FRMD4B: variants seen among roughly 807,000 people sequenced by gnomAD.
FRMD4B encodes FERM domain containing 4B.
In FRMD4B, 74 loss-of-function variants were observed where a neutral mutation model predicts 141.5. That is an observed-to-expected ratio of 0.52 (90% CI 0.43 to 0.63). The LOEUF (loss-of-function observed/expected upper bound fraction) is 0.63. Among genes scored for constraint, FRMD4B ranks in the 30% least tolerant of loss-of-function variants. The pLI is 0.00. For missense variants in FRMD4B, 1,366 were observed against 1,253.4 expected, an observed-to-expected ratio of 1.09 and a Z score of -1.36; for synonymous variants, 506 against 467.9, an observed-to-expected ratio of 1.08 and a Z score of -1.05.
chr3:69,324,293 T>C (rs1702109934), intron 1 of FRMD4B, among the ~76,000 whole-genome samples: 2 of 152,208 alleles, frequency 1.3e-5, no homozygotes, highest in South Asian at 2.1e-4. Context: ...CTAGCACACA[T>C]GTAATTAATT....
At chr3:69,532,534 G>A (rs1701021045) in intron 1 of FRMD4B, among the ~76,000 whole-genome samples, 1 of 152,206 alleles carries the variant, frequency 6.6e-6, no homozygotes. Flanking sequence ...GAGCTAATAA[G>A]CAGGTTTCTG....
intron 8 of FRMD4B, among the ~76,000 whole-genome samples, chr3:69,223,675 C>G (rs2107754802): frequency 6.6e-6 from 1 of 152,170 alleles, no homozygotes; most frequent in East Asian, 1.9e-4. Context: ...CCCGACTCTA[C>G]TAAAAATACA....
intron 2 of FRMD4B, among the ~76,000 whole-genome samples, chr3:69,414,861 GTTTTTTTTTTTTT>G (rs5849900): frequency 1.0e-5 from 1 of 98,044 alleles, no homozygotes; most frequent in African/African-American, 4.1e-5. Flanking sequence ...CGAACAAGCT[GTTTTTTTTTTTTT>G]TTTTTTTTTG....
At chr3:69,237,075 C>A (rs1421909104) in intron 7 of FRMD4B, among the ~76,000 whole-genome samples, 1 of 152,142 alleles carries the variant, frequency 6.6e-6, no homozygotes, top group African/African-American at 2.4e-5. Flanking sequence ...GAAACAAGAC[C>A]CACTGAAGTT....
At chr3:69,201,051 G>A (rs768966312) in intron 11 of FRMD4B, among the ~76,000 whole-genome samples, 30 of 152,200 alleles carry the variant, frequency 2.0e-4, no homozygotes, top group Admixed American at 3.3e-4. Flanking sequence ...CTTAAAAGGC[G>A]AAGGACTTCA....
At chr3:69,510,555 A>T (rs1222437995) in intron 1 of FRMD4B, among the ~76,000 whole-genome samples, 1 of 152,182 alleles carries the variant, frequency 6.6e-6, no homozygotes, top group East Asian at 1.9e-4. Flanking sequence ...CTCAGTTTTC[A>T]TGCACTCTGC....
intron 7 of FRMD4B, among the ~76,000 whole-genome samples, chr3:69,248,134 C>T (rs1291026994): frequency 1.3e-5 from 2 of 152,018 alleles, no homozygotes; most frequent in African/African-American, 2.4e-5. Flanking sequence ...TGTAAACTAC[C>T]TTATACTCTT....
At chr3:69,470,752 G>C (rs992524442) in intron 1 of FRMD4B, among the ~76,000 whole-genome samples, 4 of 152,264 alleles carry the variant, frequency 2.6e-5, no homozygotes, top group African/African-American at 9.6e-5. Context: ...GCAATGTTAA[G>C]TGTCCTAAGT....
chr3:69,492,291 G>C (rs1023236973), intron 1 of FRMD4B, among the ~76,000 whole-genome samples: 1 of 152,182 alleles, frequency 6.6e-6, no homozygotes, highest in Non-Finnish European at 1.5e-5. Flanking sequence ...TGGTGAACAA[G>C]GGCCAGCGAT....
intron 3 of FRMD4B, among the ~76,000 whole-genome samples, chr3:69,308,257 A>G (rs1476205395): frequency 1.3e-5 from 2 of 152,182 alleles, no homozygotes; most frequent in Non-Finnish European, 2.9e-5. Context: ...TACATACTAT[A>G]TAAGGCACTG....
At chr3:69,223,830 A>C (rs1178700653) in intron 8 of FRMD4B, among the ~76,000 whole-genome samples, 1 of 152,210 alleles carries the variant, frequency 6.6e-6, no homozygotes, top group Non-Finnish European at 1.5e-5. Context: ...CTCTGTCTCA[A>C]AAAAACAAAA....
intron 1 of FRMD4B, among the ~76,000 whole-genome samples, chr3:69,324,012 A>C (rs578126542): frequency 6.6e-6 from 1 of 152,310 alleles, no homozygotes; most frequent in East Asian, 1.9e-4. Flanking sequence ...ACTGTCTCGA[A>C]GCAAGGCCAG....
At chr3:69,235,742 G>C (rs897368490) in intron 7 of FRMD4B, among the ~76,000 whole-genome samples, 1 of 152,086 alleles carries the variant, frequency 6.6e-6, no homozygotes, top group Non-Finnish European at 1.5e-5. Flanking sequence ...AGGTGGCAGA[G>C]AGTGGGCTAA....
At chr3:69,541,351 A>G (rs982028852) in intron 1 of FRMD4B, 3 of 152,184 alleles carry the variant, frequency 2.0e-5, no homozygotes, top group Non-Finnish European at 4.4e-5. Flanking sequence ...GTTCAGGATA[A>G]TTATTACCCC....
chr3:69,223,384 G>A (rs1467289736), intron 8 of FRMD4B, among the ~76,000 whole-genome samples: 2 of 152,052 alleles, frequency 1.3e-5, no homozygotes, highest in African/African-American at 2.4e-5. Context: ...GCATCGTACC[G>A]TGTGCCTGTA....
intron 2 of FRMD4B, among the ~76,000 whole-genome samples, chr3:69,422,883 C>G (rs1248097405): frequency 6.6e-6 from 1 of 152,014 alleles, no homozygotes; most frequent in Non-Finnish European, 1.5e-5. Context: ...GCTTGCAGAC[C>G]CCTATGTCCT....
At chr3:69,474,972 C>T (rs1391956000) in intron 1 of FRMD4B, among the ~76,000 whole-genome samples, 1 of 152,080 alleles carries the variant, frequency 6.6e-6, no homozygotes, top group Non-Finnish European at 1.5e-5. Context: ...AAGCTTAGAC[C>T]AAAAGAATGT....
chr3:69,213,686 A>G (rs2093110181), intron 11 of FRMD4B, among the ~76,000 whole-genome samples: 1 of 146,592 alleles, frequency 6.8e-6, no homozygotes, highest in Non-Finnish European at 1.5e-5. Context: ...TTTCTGACAC[A>G]AGGTTTTGCT....
intron 1 of FRMD4B, among the ~76,000 whole-genome samples, chr3:69,318,552 A>G (rs1420060460): frequency 6.6e-6 from 1 of 152,098 alleles, no homozygotes; most frequent in Non-Finnish European, 1.5e-5. Flanking sequence ...AGAGAGAAAA[A>G]CACCAGGGTT....
Sources: gnomAD v4.1 joint callset for allele counts (sites outside exome capture counted in the v4.1 genomes callset) on GRCh38, gnomAD v4.1.1 for gene constraint, MANE v1.5 for transcripts, NCBI Gene and HGNC (gene_info 2026-07-23, HGNC 2026-07-21) for gene names.